Variants in IGFL2 observed in about 807,000 individuals in gnomAD.
IGFL2 encodes insulin growth factor-like family member 2.
A neutral mutation model predicts 13.9 loss-of-function variants in IGFL2; 7 were observed. The observed-to-expected ratio is 0.51, with a 90% confidence interval of 0.29 to 0.95. IGFL2 has a LOEUF of 0.95. IGFL2 is among the 40% of genes least tolerant of loss of function. The pLI, the probability that IGFL2 is intolerant of heterozygous loss-of-function variation, is 0.08. For missense variants in IGFL2, 138 were observed against 147.8 expected (o/e 0.93, Z 0.34); for synonymous variants, 55 against 55.8 (o/e 0.99, Z 0.07).
At chr19:46,163,874 AGTGAAGACT>A (rs1395869912), downstream of IGFL2, 5 of 152,386 alleles carry the variant, frequency 3.3e-5, no homozygotes, top group African/African-American at 9.6e-5. Context: ...AGGTATCACC[AGTGAAGACT>A]GTGAAACAGC....
chr19:46,194,850 A>ATT, the IGFL2 span, among the ~76,000 whole-genome samples: 2 of 35,618 alleles, frequency 5.6e-5, no homozygotes, highest in Admixed American at 3.2e-4. Context: ...ATATATATAT[A>ATT]TATTTTTTTT....
chr19:46,198,767 A>G, the IGFL2 span, among the ~76,000 whole-genome samples: 26 of 152,150 alleles, frequency 1.7e-4, no homozygotes, highest in African/African-American at 6.0e-4. Context: ...CAGCTTCCTC[A>G]TCAGCCAGCA....
At chr19:46,145,331 A>G (rs2146818926), upstream of IGFL2, among the ~76,000 whole-genome samples, 1 of 152,102 alleles carries the variant, frequency 6.6e-6, no homozygotes. Context: ...ATGTTTGTGT[A>G]TAATTTCATA....
At chr19:46,170,305 T>G in the IGFL2 span, among the ~76,000 whole-genome samples, 1 of 152,200 alleles carries the variant, frequency 6.6e-6, no homozygotes, top group Non-Finnish European at 1.5e-5. Context: ...ACATAAATTG[T>G]GAAGATTTCA....
chr19:46,168,243 A>C, the IGFL2 span, among the ~76,000 whole-genome samples: 19 of 152,232 alleles, frequency 1.2e-4, no homozygotes, highest in Admixed American at 1.2e-3. Flanking sequence ...GACAAGGATT[A>C]CATGATTGTT....
the IGFL2 span, chr19:46,136,911 T>C: frequency 1.1e-6 from 1 of 879,498 alleles, no homozygotes; most frequent in South Asian, 1.3e-5. Context: ...TTTACACATG[T>C]CCTCTGGGCA....
At chr19:46,090,835 A>G in the IGFL2 span, among the ~76,000 whole-genome samples, 1 of 152,094 alleles carries the variant, frequency 6.6e-6, no homozygotes, top group Admixed American at 6.5e-5. Context: ...CTTAGTCCAT[A>G]GGTACTGATA....
chr19:46,196,587 C>T, the IGFL2 span, among the ~76,000 whole-genome samples: 5 of 152,214 alleles, frequency 3.3e-5, no homozygotes, highest in African/African-American at 1.2e-4. Context: ...CCCAGCTGAG[C>T]CTCCAGCTCT....
chr19:46,136,708 C>A, the IGFL2 span: 2 of 502,596 alleles, frequency 4.0e-6, no homozygotes, highest in South Asian at 3.0e-5. Context: ...CCCCAGAAAT[C>A]ATGACATTTC....
chr19:46,140,787 G>A (rs1972825354), upstream of IGFL2, among the ~76,000 whole-genome samples: 1 of 152,172 alleles, frequency 6.6e-6, no homozygotes, highest in Non-Finnish European at 1.5e-5. Flanking sequence ...ATGAATTCCT[G>A]GAGGCTCAGG....
At chr19:46,128,816 G>A in the IGFL2 span, among the ~76,000 whole-genome samples, 1 of 152,116 alleles carries the variant, frequency 6.6e-6, no homozygotes, top group South Asian at 2.1e-4. Context: ...TTTTCTTGTT[G>A]TGTGTCTGCC....
intron 1 of IGFL2, among the ~76,000 whole-genome samples, chr19:46,153,849 C>CT (rs1309244869): frequency 2.1e-5 from 3 of 141,190 alleles, no homozygotes; most frequent in Non-Finnish European, 4.6e-5. Context: ...ATTTTTTTTA[C>CT]TTTAAGTTCT....
chr19:46,147,468 G>T (rs1342298993), upstream of IGFL2, among the ~76,000 whole-genome samples: 1 of 152,166 alleles, frequency 6.6e-6, no homozygotes, highest in Admixed American at 6.5e-5. Context: ...GACTGCCTAG[G>T]TCATAAGTCA....
At chr19:46,079,482 T>C in the IGFL2 span, among the ~76,000 whole-genome samples, 5 of 152,174 alleles carry the variant, frequency 3.3e-5, no homozygotes, top group African/African-American at 7.2e-5. Flanking sequence ...TTGGAGCCTG[T>C]TTGCACCCCT....
At chr19:46,157,101 A>G (rs2146871335) in intron 1 of IGFL2, among the ~76,000 whole-genome samples, 1 of 152,356 alleles carries the variant, frequency 6.6e-6, no homozygotes, top group South Asian at 2.1e-4. Flanking sequence ...TAGTAGCCTT[A>G]TAACTATTAA....
the IGFL2 span, among the ~76,000 whole-genome samples, chr19:46,086,157 A>G: frequency 6.6e-6 from 1 of 151,924 alleles, no homozygotes; most frequent in Non-Finnish European, 1.5e-5. Context: ...TCTAGAATTT[A>G]TCTTTGGTTC....
chr19:46,208,874 G>A, the IGFL2 span: 2 of 150,592 alleles, frequency 1.3e-5, no homozygotes, highest in African/African-American at 4.9e-5. Context: ...CCAGTCTCAG[G>A]TAGTTTTTTT....
chr19:46,183,353 A>G, the IGFL2 span, among the ~76,000 whole-genome samples: 2 of 151,974 alleles, frequency 1.3e-5, no homozygotes, highest in Non-Finnish European at 2.9e-5. Context: ...AGCATATCAC[A>G]GACTCTCCCA....
intron 1 of IGFL2, among the ~76,000 whole-genome samples, chr19:46,154,545 G>A (rs1041366110): frequency 1.3e-5 from 2 of 152,100 alleles, no homozygotes; most frequent in African/African-American, 4.8e-5. Flanking sequence ...CTGGGTTCAC[G>A]CCATTCTCCT....
Sources: gnomAD v4.1 joint callset for allele counts (sites outside exome capture counted in the v4.1 genomes callset) on GRCh38, gnomAD v4.1.1 for gene constraint, MANE v1.5 for transcripts, NCBI Gene and HGNC (gene_info 2026-07-23, HGNC 2026-07-21) for gene names.